Variants in SLC24A3 observed in about 807,000 individuals in gnomAD.
The protein encoded by SLC24A3 is sodium/potassium/calcium exchanger 3.
In SLC24A3, 28 loss-of-function variants were observed where a neutral mutation model predicts 75.8. That is an observed-to-expected ratio of 0.37 (90% CI 0.27 to 0.51). The LOEUF is 0.51. Ranked by LOEUF, SLC24A3 falls within the 20% of genes least tolerant of loss-of-function variation. The probability of loss-of-function intolerance (pLI) is 0.94; values close to 1 mark genes in which losing one functional copy is unlikely to be tolerated. For synonymous variants in SLC24A3, 372 were observed against 334.1 expected (o/e 1.11, Z -1.24); for missense variants, 663 against 847.8 (o/e 0.78, Z 2.71).
chr20:19,539,073 A>C (rs1311568699), intron 3 of SLC24A3, among the ~76,000 whole-genome samples: 2 of 152,248 alleles, frequency 1.3e-5, no homozygotes, highest in Non-Finnish European at 2.9e-5. Flanking sequence ...TGGTGATAGA[A>C]GTCAGGATGA....
intron 6 of SLC24A3, among the ~76,000 whole-genome samples, chr20:19,647,287 T>C (rs1235066659): frequency 6.6e-6 from 1 of 152,160 alleles, no homozygotes; most frequent in African/African-American, 2.4e-5. Flanking sequence ...CTAACAATTA[T>C]CCTAGAATCA....
At chr20:19,536,388 G>A (rs922736679) in intron 3 of SLC24A3, among the ~76,000 whole-genome samples, 1 of 152,168 alleles carries the variant, frequency 6.6e-6, no homozygotes, top group Non-Finnish European at 1.5e-5. Flanking sequence ...TCTGAGGACA[G>A]ATGATGGAGT....
At chr20:19,718,148 GAC>G (rs1360410339) in intron 16 of SLC24A3, among the ~76,000 whole-genome samples, 3 of 152,156 alleles carry the variant, frequency 2.0e-5, no homozygotes, top group African/African-American at 7.2e-5. Flanking sequence ...GCAGCATTGA[GAC>G]ACAATATGTT....
At chr20:19,629,364 A>G (rs181009846) in intron 6 of SLC24A3, among the ~76,000 whole-genome samples, 112 of 152,268 alleles carry the variant, frequency 7.4e-4, no homozygotes, top group African/African-American at 2.6e-3. Flanking sequence ...TCATAGGGGT[A>G]AAAAACAAAA....
intron 6 of SLC24A3, among the ~76,000 whole-genome samples, chr20:19,627,612 A>G (rs527356892): frequency 2.7e-4 from 41 of 152,226 alleles, no homozygotes; most frequent in Non-Finnish European, 5.3e-4. Flanking sequence ...GATAAAATAA[A>G]TAAAGGAACA....
At position 19,355,644 on chromosome 20, in the gene SLC24A3, A is replaced by T. The variant is rs1164891439; in HGVS notation, c.271+74557A>T. Among the ~76,000 whole-genome samples, 3 of 152,362 alleles carry T rather than the reference A, an allele frequency of 2.0e-5. No individual in the cohort carries two copies. In the East Asian group the frequency reaches 5.8e-4, roughly 29 times the overall value. On this transcript the variant is annotated intron_variant, in intron 2 of 16. Coordinates refer to ENST00000328041, the MANE Select transcript of SLC24A3 (RefSeq NM_020689.4). ...AGAATTTTATTTTCAAAAACATAGCATAAAATAGAACAACAGCAGGTATTT... is the reference window on the plus strand; with the variant it reads ...AGAATTTTATTTTCAAAAACATAGCTTAAAATAGAACAACAGCAGGTATTT...
rs1223827522 is a variant in SLC24A3, at chr20:19,212,754, C to T, written c.-89C>T. ...AGCGAGGACGCGCGGCTGCTGCGCGCAGGGCTGCCTCCTGCCGCTGTCCCC... is the reference window on the plus strand; with the variant it reads ...AGCGAGGACGCGCGGCTGCTGCGCGTAGGGCTGCCTCCTGCCGCTGTCCCC... On this transcript the variant is annotated 5_prime_UTR_variant, in exon 1 of 17. Transcript: ENST00000328041. 2.1e-6 allele frequency: 2 copies of T among 949,526 alleles called. No homozygotes were observed. The highest frequency in any genetic ancestry group is 2.5e-6 in the Non-Finnish European group (2 of 800,086). 58.8% of individuals were successfully genotyped at this position (949,526 alleles called of 1,614,324 possible). A position where few individuals can be genotyped will look rare whatever the true frequency, so the allele number is the denominator to read the frequency against.
intron 2 of SLC24A3, among the ~76,000 whole-genome samples, chr20:19,325,809 G>T (rs866873552): frequency 2.0e-3 from 184 of 93,780 alleles, no homozygotes; most frequent in East Asian, 2.8e-3. Flanking sequence ...GAGAGAGAGA[G>T]AGAGAGAGAG....
chr20:19,258,924 G>A (rs1982901727), intron 1 of SLC24A3, among the ~76,000 whole-genome samples: 1 of 152,072 alleles, frequency 6.6e-6, no homozygotes, highest in South Asian at 2.1e-4. Flanking sequence ...ATCTCCTTCT[G>A]GCAATAATTC....
intron 2 of SLC24A3, among the ~76,000 whole-genome samples, chr20:19,460,685 G>A (rs1374270370): frequency 6.6e-6 from 1 of 152,144 alleles, no homozygotes; most frequent in Non-Finnish European, 1.5e-5. Context: ...CCTCCGGGGT[G>A]TTTATGGTGG....
At chr20:19,263,295 A>T (rs1479496979) in intron 1 of SLC24A3, among the ~76,000 whole-genome samples, 1 of 152,112 alleles carries the variant, frequency 6.6e-6, no homozygotes, top group Non-Finnish European at 1.5e-5. Context: ...CAAAGAGCAA[A>T]CTGTGAAGAA....
At chr20:19,493,852 C>T (rs1346227614) in intron 2 of SLC24A3, among the ~76,000 whole-genome samples, 2 of 152,206 alleles carry the variant, frequency 1.3e-5, no homozygotes, top group Admixed American at 1.3e-4. Context: ...TTTCTAGGGT[C>T]GTGCTGCAGA....
chr20:19,550,154 T>TA (rs1049582436), intron 3 of SLC24A3, among the ~76,000 whole-genome samples: 24 of 152,220 alleles, frequency 1.6e-4, no homozygotes, highest in Non-Finnish European at 4.4e-5. Flanking sequence ...AATTTGGTCA[T>TA]AAAAAATGTT....
chr20:19,492,256 T>C (rs530525941), intron 2 of SLC24A3, among the ~76,000 whole-genome samples: 1 of 152,324 alleles, frequency 6.6e-6, no homozygotes, highest in East Asian at 1.9e-4. Context: ...AACATTGTAG[T>C]TAAAAGCCTG....
intron 6 of SLC24A3, among the ~76,000 whole-genome samples, chr20:19,617,250 C>A (rs2122670612): frequency 6.6e-6 from 1 of 152,342 alleles, no homozygotes; most frequent in East Asian, 1.9e-4. Context: ...GGCCGTGGAG[C>A]CTGCCTGGTG....
intron 6 of SLC24A3, among the ~76,000 whole-genome samples, chr20:19,650,738 C>T (rs1157727807): frequency 6.6e-6 from 1 of 152,158 alleles, no homozygotes; most frequent in African/African-American, 2.4e-5. Flanking sequence ...AACCACTCTT[C>T]ATAGTTGAGC....
intron 2 of SLC24A3, among the ~76,000 whole-genome samples, chr20:19,373,246 T>A (rs56077831): frequency 2.6e-4 from 40 of 152,262 alleles, no homozygotes; most frequent in Non-Finnish European, 4.6e-4. Context: ...ACCTAAATTT[T>A]CCTTCAGCAG....
intron 2 of SLC24A3, among the ~76,000 whole-genome samples, chr20:19,289,995 G>A (rs1983900043): frequency 6.6e-6 from 1 of 152,168 alleles, no homozygotes; most frequent in Non-Finnish European, 1.5e-5. Context: ...TGGGTTGCCA[G>A]GTGGGCTCTG....
rs932029749 is a variant in SLC24A3, at chr20:19,451,860, G to T, written c.272-63628G>T. ...AGGCCATCCAAAGGGAATCAACTTG[G>T]TCTCTGTTTTTTTCCCCTAGCAGTG... On this transcript the variant is annotated intron_variant, in intron 2 of 16. Coordinates refer to ENST00000328041, the MANE Select transcript of SLC24A3 (RefSeq NM_020689.4). Among the ~76,000 whole-genome samples, 10 of 152,288 alleles carry T rather than the reference G, an allele frequency of 6.6e-5. 1 individual carries two copies. Among genetic ancestry groups the T allele is most frequent in the African/African-American group, 2.2e-4 (9 of 41,564 alleles).
Sources: gnomAD v4.1 joint callset for allele counts (sites outside exome capture counted in the v4.1 genomes callset) on GRCh38, gnomAD v4.1.1 for gene constraint, MANE v1.5 for transcripts, NCBI Gene and HGNC (gene_info 2026-07-23, HGNC 2026-07-21) for gene names.